Variants in RAB15 observed in about 807,000 individuals in gnomAD.
The protein encoded by RAB15 is ras-related protein Rab-15.
A neutral mutation model predicts 31.8 loss-of-function variants in RAB15; 13 were observed. The observed-to-expected ratio is 0.41, with a 90% CI of 0.27 to 0.65. The LOEUF (loss-of-function observed/expected upper bound fraction) is 0.65. Among genes scored for constraint, RAB15 ranks in the 30% least tolerant of loss-of-function variants. RAB15 has a pLI of 0.32. For missense variants in RAB15, 220 were observed against 277.3 expected (o/e 0.79, Z 1.47); for synonymous variants, 100 against 105.6 (o/e 0.95, Z 0.33).
rs1209353022 is a variant in RAB15, at chr14:64,971,893, G to T, written c.124+60C>A. On this transcript the variant is annotated intron_variant, in intron 1 of 6. Coordinates refer to ENST00000533601, the MANE Select transcript of RAB15 (RefSeq NM_001308154.2). This position sits in a 1 kb window ranked among gnomAD's most constrained non-coding sequence, Gnocchi z 4.1. ...AATTCCTCCCCAGCTGGGGACGGGG[G>T]CGGCGGGGAAAGGGGCCGCGGGCGG... The T allele has an allele frequency of 1.3e-6, 2 of 1,487,568 alleles. No individual in the cohort carries two copies. The highest frequency in any genetic ancestry group is 1.8e-6 in the Non-Finnish European group (2 of 1,102,860). The allele number at this position is 1,487,568 out of a possible 1,614,324, so 92.1% of individuals were successfully genotyped here. A position where few individuals can be genotyped will look rare whatever the true frequency, so the allele number is the denominator to read the frequency against.
Position 64,952,415 on chromosome 14 carries a change from G to A in RAB15, c.185+96C>T. On this transcript the variant is annotated intron_variant, in intron 2 of 6. Transcript: ENST00000533601. The surrounding 1 kb of genome is among the most constrained non-coding windows in gnomAD (Gnocchi z 4.2). ...ATCAGAGAGGTGGCCAGTTATCCCA[G>A]GTGAAGCCTAGGAATTTTACACATG... 1 of 911,134 alleles carries A rather than the reference G, an allele frequency of 1.1e-6. No individual in the cohort carries two copies. Among genetic ancestry groups the A allele is most frequent in the South Asian group, 1.4e-5 (1 of 70,134 alleles). 56.4% of individuals were successfully genotyped at this position (911,134 alleles called of 1,614,324 possible).
chr14:64,953,522 T>G lies in RAB15; in HGVS notation c.125-951A>C, dbSNP rs545640294. Among the ~76,000 whole-genome samples the G allele has an allele frequency of 6.6e-6, 1 of 152,242 alleles. No homozygotes were observed. Among genetic ancestry groups the G allele is most frequent in the South Asian group, 2.1e-4 (1 of 4,824 alleles). On this transcript the variant is annotated intron_variant, in intron 1 of 6. Coordinates refer to ENST00000533601, the MANE Select transcript of RAB15 (RefSeq NM_001308154.2). The surrounding 1 kb of genome is among the most constrained non-coding windows in gnomAD (Gnocchi z 4.6). ...AAAGGAAGCAAAGAGTTCCCACGCT[T>G]CTTCATCCAAGGGCTGGAGGAGCTA...
In RAB15 at chr14:64,946,596, G is replaced by A. The variant is rs1045958968; in HGVS notation, c.*1758C>T. On this transcript the variant is annotated 3_prime_UTR_variant, in exon 7 of 7. Coordinates refer to ENST00000533601, the MANE Select transcript of RAB15 (RefSeq NM_001308154.2). ...AAGTCCTGAGCCACCCTCTCCTGCT[G>A]TTTTCCTGGTTTGGTAAGTCAGGAG... 3 of 152,252 alleles carry A rather than the reference G, an allele frequency of 2.0e-5. No individual in the cohort carries two copies. Among genetic ancestry groups the A allele is most frequent in the African/African-American group, 7.2e-5 (3 of 41,454 alleles). 9.4% of individuals were successfully genotyped at this position (152,252 alleles called of 1,614,324 possible).
chr14:64,957,092 A>G (rs1467973066), intron 1 of RAB15, among the ~76,000 whole-genome samples: 1 of 146,556 alleles, frequency 6.8e-6, no homozygotes, highest in Non-Finnish European at 1.5e-5. Flanking sequence ...GTGCACCACC[A>G]TGCCCAGCTA....
In RAB15 at chr14:64,954,012, CA is replaced by C. The variant is rs1886407635; in HGVS notation, c.125-1442del. ...TATCTGTGCTGTCCCCAGCTTTCTA[CA>C]AAGGCAAACAAATTAAATTCTGTCT... is the stretch of plus-strand genomic sequence containing the variant. On this transcript the variant is annotated intron_variant, in intron 1 of 6. Transcript: ENST00000533601. This position sits in a 1 kb window ranked among gnomAD's most constrained non-coding sequence, Gnocchi z 4.3. The C allele has an allele frequency of 1.0e-6, 1 of 985,434 alleles. No individual in the cohort carries two copies. The highest frequency in any genetic ancestry group is 1.2e-6 in the Non-Finnish European group (1 of 829,938). The allele number at this position is 985,434 out of a possible 1,614,324, so 61.0% of individuals were successfully genotyped here.
At chr14:64,969,463 T>C (rs1887314418) in intron 1 of RAB15, among the ~76,000 whole-genome samples, 1 of 152,222 alleles carries the variant, frequency 6.6e-6, no homozygotes, top group Non-Finnish European at 1.5e-5. Flanking sequence ...TAATAAGCTT[T>C]AAATAAGAAA....
At chr14:64,967,604 A>T (rs957444157) in intron 1 of RAB15, among the ~76,000 whole-genome samples, 6 of 150,626 alleles carry the variant, frequency 4.0e-5, no homozygotes, top group South Asian at 2.1e-4. Flanking sequence ...AAAAATAGAA[A>T]AGAAAAGAAA....
In RAB15 at chr14:64,950,702, T is replaced by C. The variant is rs76596936; in HGVS notation, c.325-288A>G. On this transcript the variant is annotated intron_variant, in intron 4 of 6. Transcript: ENST00000533601. The surrounding 1 kb of genome is among the most constrained non-coding windows in gnomAD (Gnocchi z 5.6). ...TTGGATGTAAGTCCAGCCCTCATTC[T>C]ACAGGAACTGGGGACCCAGAGGATT... 0.013 allele frequency: 7,724 copies of C among 595,458 alleles called. 65 individuals are homozygous for C. Among genetic ancestry groups the C allele is most frequent in the Middle Eastern group, 0.025 (57 of 2,244 alleles). The allele number at this position is 595,458 out of a possible 1,614,324, so 36.9% of individuals were successfully genotyped here. A position where few individuals can be genotyped will look rare whatever the true frequency, so the allele number is the denominator to read the frequency against.
In RAB15 at chr14:64,955,390, C is replaced by G. The variant is rs1296721407; in HGVS notation, c.125-2819G>C. On this transcript the variant is annotated intron_variant, in intron 1 of 6. Transcript: ENST00000533601. This position sits in a 1 kb window ranked among gnomAD's most constrained non-coding sequence, Gnocchi z 4.4. ...CAAGCCCTGGCCCCAGTAACCCGTG[C>G]CCATCGTGGCTCCTTCCCTCTCCCT... 6.6e-6 allele frequency among the ~76,000 whole-genome samples: 1 copy of G among 152,198 alleles called. No individual in the cohort carries two copies. Among genetic ancestry groups the G allele is most frequent in the Non-Finnish European group, 1.5e-5 (1 of 68,044 alleles).
At chr14:64,969,526 C>T (rs1887317537) in intron 1 of RAB15, among the ~76,000 whole-genome samples, 1 of 152,218 alleles carries the variant, frequency 6.6e-6, no homozygotes, top group African/African-American at 2.4e-5. Flanking sequence ...TGAAGAAAGA[C>T]AGGTTTCTTT....
rs2412105 is a variant in RAB15 at position 64,962,801 on chromosome 14, T to C, written c.124+9152A>G. 0.48 allele frequency among the ~76,000 whole-genome samples: 72,459 copies of C among 152,068 alleles called. 20,000 individuals carry two copies. Among genetic ancestry groups the C allele is most frequent in the African/African-American group, 0.76 (31,620 of 41,470 alleles). On this transcript the variant is annotated intron_variant, in intron 1 of 6. Transcript: ENST00000533601. This position sits in a 1 kb window ranked among gnomAD's most constrained non-coding sequence, Gnocchi z 4.2. Reference sequence around the variant, plus strand: ...CCCCTCCCTTCTCTCAGGTCTTGTGTGGACCCTCACATGTGCACCTGCATC... The same window carrying C: ...CCCCTCCCTTCTCTCAGGTCTTGTGCGGACCCTCACATGTGCACCTGCATC...
Position 64,948,758 on chromosome 14 carries a change from AG to A in RAB15, c.415-26del, listed in dbSNP as rs1251490273. ...GCTGCAAGAGAAGGACATTTCTGAAAGAGAGTCAGTAAGGCAGGGGAGGGGC... is the reference window on the plus strand; with the variant it reads ...GCTGCAAGAGAAGGACATTTCTGAAAAGAGTCAGTAAGGCAGGGGAGGGGC... On this transcript the variant is annotated intron_variant, in intron 5 of 6. Coordinates refer to ENST00000533601, the MANE Select transcript of RAB15 (RefSeq NM_001308154.2). This position sits in a 1 kb window ranked among gnomAD's most constrained non-coding sequence, Gnocchi z 7.0. 5 of 1,148,046 alleles carry A rather than the reference AG, an allele frequency of 4.4e-6. No homozygotes were observed. The highest frequency in any genetic ancestry group is 6.1e-6 in the Non-Finnish European group (5 of 816,152). The allele number at this position is 1,148,046 out of a possible 1,614,324, so 71.1% of individuals were successfully genotyped here.
rs10134326 is a variant in RAB15 at position 64,955,368 on chromosome 14, G to A, written c.125-2797C>T. Among the ~76,000 whole-genome samples, 1,458 of 152,224 alleles carry A rather than the reference G, an allele frequency of 9.6e-3. 19 individuals carry two copies. The highest frequency in any genetic ancestry group is 0.034 in the African/African-American group (1,398 of 41,520). On this transcript the variant is annotated intron_variant, in intron 1 of 6. Transcript: ENST00000533601. This position sits in a 1 kb window ranked among gnomAD's most constrained non-coding sequence, Gnocchi z 4.4. Reference sequence around the variant, plus strand: ...TCAGCTGTGTCCACCTACCAGTCAAGCCCTGGCCCCAGTAACCCGTGCCCA... The same window carrying A: ...TCAGCTGTGTCCACCTACCAGTCAAACCCTGGCCCCAGTAACCCGTGCCCA...
At position 64,950,454 on chromosome 14, in the gene RAB15, C is replaced by G; in HGVS notation, c.325-40G>C. ...TGGGCAGAACAGCCAGTGAGTGCTG[C>G]CTGCCCCCCCAATTTTCCCTACAGA... On this transcript the variant is annotated intron_variant, in intron 4 of 6. Coordinates refer to ENST00000533601, the MANE Select transcript of RAB15 (RefSeq NM_001308154.2). This position sits in a 1 kb window ranked among gnomAD's most constrained non-coding sequence, Gnocchi z 5.6. The G allele has an allele frequency of 6.6e-7, 1 of 1,512,362 alleles. No homozygotes were observed. Among genetic ancestry groups the G allele is most frequent in the Non-Finnish European group, 9.2e-7 (1 of 1,089,040 alleles). 93.7% of individuals were successfully genotyped at this position (1,512,362 alleles called of 1,614,324 possible).
rs1198715799 is a variant in RAB15 at position 64,953,433 on chromosome 14, G to C, written c.125-862C>G. Among the ~76,000 whole-genome samples the C allele has an allele frequency of 6.6e-6, 1 of 152,196 alleles. No homozygotes were observed. The highest frequency in any genetic ancestry group is 1.5e-5 in the Non-Finnish European group (1 of 68,032). ...GGGCCGGGTACATGCGGGTGCTTAT[G>C]AGTGACTGTCATAGGACCAGATGAA... On this transcript the variant is annotated intron_variant, in intron 1 of 6. Coordinates refer to ENST00000533601, the MANE Select transcript of RAB15 (RefSeq NM_001308154.2). The surrounding 1 kb of genome is among the most constrained non-coding windows in gnomAD (Gnocchi z 4.6).
intron 1 of RAB15, among the ~76,000 whole-genome samples, chr14:64,957,183 C>T (rs1305706968): frequency 6.6e-6 from 1 of 152,050 alleles, no homozygotes; most frequent in Admixed American, 6.6e-5. Flanking sequence ...GCGATCCTCC[C>T]GCCTCAGCTT....
intron 1 of RAB15, among the ~76,000 whole-genome samples, chr14:64,967,159 A>G (rs1887181447): frequency 6.6e-6 from 1 of 152,196 alleles, no homozygotes. Context: ...CTGAAGCCAC[A>G]GCAGCCCAAC....
At chr14:64,966,622 A>G (rs904564582) in intron 1 of RAB15, among the ~76,000 whole-genome samples, 1 of 152,188 alleles carries the variant, frequency 6.6e-6, no homozygotes, top group African/African-American at 2.4e-5. Flanking sequence ...TATATGCGCT[A>G]GGCTCTATAA....
In RAB15 at chr14:64,948,608, CCTCCCACCT is replaced by C. The variant is rs1886053391; in HGVS notation, c.480+51_480+59del. 6.2e-6 allele frequency: 10 copies of C among 1,610,920 alleles called. No homozygotes were observed. The Middle Eastern group carries it at 8.3e-4, about 134-fold the overall frequency. ...GGATAAGGTCCATCTTATGGCTCCT[CCTCCCACCT>C]CTGCTGGACTCAGCCCGAGAGAGCG... On this transcript the variant is annotated intron_variant, in intron 6 of 6. Coordinates refer to ENST00000533601, the MANE Select transcript of RAB15 (RefSeq NM_001308154.2). The surrounding 1 kb of genome is among the most constrained non-coding windows in gnomAD (Gnocchi z 7.0).
Sources: allele counts gnomAD v4.1 joint callset (sites outside exome capture counted in the v4.1 genomes callset), GRCh38; gene constraint gnomAD v4.1.1; non-coding constraint Gnocchi (gnomAD v3.1); transcripts MANE v1.5; gene names NCBI Gene and HGNC (gene_info 2026-07-23, HGNC 2026-07-21).